Variants in GRM5 observed in about 807,000 individuals in gnomAD.
GRM5 encodes metabotropic glutamate receptor 5.
In GRM5, 19 loss-of-function variants were observed where a neutral mutation model predicts 83.1. The ratio of observed to expected loss-of-function variants is 0.23; its 90% CI spans 0.16 to 0.34. The LOEUF (loss-of-function observed/expected upper bound fraction) is 0.34. Among genes scored for constraint, GRM5 ranks in the 10% least tolerant of loss-of-function variants. The pLI, the probability that GRM5 is intolerant of heterozygous loss-of-function variation, is 1.00. For synonymous variants in GRM5, 675 were observed against 633.6 expected (o/e 1.07, Z -0.98); for missense variants, 1,160 against 1,588.3 (o/e 0.73, Z 4.58).
chr11:88,660,731 TG>T (rs1293815206), intron 3 of GRM5, among the ~76,000 whole-genome samples: 1 of 152,220 alleles, frequency 6.6e-6, no homozygotes, highest in Non-Finnish European at 1.5e-5. Context: ...CACATCCTGT[TG>T]ATCGGAGACA....
chr11:88,578,834 A>T (rs1943167909), intron 7 of GRM5, among the ~76,000 whole-genome samples: 1 of 152,088 alleles, frequency 6.6e-6, no homozygotes, highest in Admixed American at 6.6e-5. Context: ...AACTGAAACA[A>T]CTTTATCAAG....
intron 4 of GRM5, among the ~76,000 whole-genome samples, chr11:88,628,721 C>G (rs1565160950): frequency 6.6e-6 from 1 of 152,192 alleles, no homozygotes; most frequent in African/African-American, 2.4e-5. Context: ...GGGTAATTAA[C>G]AGTAGCTGCT....
intron 3 of GRM5, among the ~76,000 whole-genome samples, chr11:88,744,563 C>T (rs895679288): frequency 1.9e-4 from 29 of 152,138 alleles, no homozygotes; most frequent in African/African-American, 6.8e-4. Context: ...CACACCCCAC[C>T]TTTCAATCCC....
At position 88,506,893 on chromosome 11, in the gene GRM5, T is replaced by A. The variant is rs943383841; in HGVS notation, c.*1699A>T. The A allele has an allele frequency of 6.6e-6, 1 of 152,150 alleles. No individual in the cohort carries two copies. The highest frequency in any genetic ancestry group is 6.5e-5 in the Admixed American group (1 of 15,280). The allele number at this position is 152,150 out of a possible 1,614,324, so 9.4% of individuals were successfully genotyped here. On this transcript the variant is annotated 3_prime_UTR_variant, in exon 10 of 10. Coordinates refer to ENST00000305447, the MANE Select transcript of GRM5 (RefSeq NM_001143831.3). ...TATTGAGCTAAAAGAAAAAGTTTTATTTATTATTCTCTCTGCCAAAATATA... is the reference window on the plus strand; with the variant it reads ...TATTGAGCTAAAAGAAAAAGTTTTAATTATTATTCTCTCTGCCAAAATATA...
At chr11:88,991,929 G>A (rs1295907902) in intron 2 of GRM5, among the ~76,000 whole-genome samples, 1 of 152,094 alleles carries the variant, frequency 6.6e-6, no homozygotes, top group Admixed American at 6.6e-5. Context: ...AACCCAGGCA[G>A]TACCATTCAG....
At chr11:88,517,294 G>C (rs1591316350) in intron 9 of GRM5, among the ~76,000 whole-genome samples, 1 of 152,120 alleles carries the variant, frequency 6.6e-6, no homozygotes, top group South Asian at 2.1e-4. Context: ...GTGCATAAAA[G>C]TAGAAAATAC....
chr11:88,712,600 CAGTCATCTT>C (rs1256056179), intron 3 of GRM5, among the ~76,000 whole-genome samples: 1 of 151,970 alleles, frequency 6.6e-6, no homozygotes, highest in African/African-American at 2.4e-5. Context: ...AGAGGCAACT[CAGTCATCTT>C]AGGGTTAAAA....
At chr11:89,048,672 A>G (rs1424147650) in intron 1 of GRM5, among the ~76,000 whole-genome samples, 1 of 152,256 alleles carries the variant, frequency 6.6e-6, no homozygotes, top group African/African-American at 2.4e-5. Flanking sequence ...TGTGGAAGAT[A>G]TAATAAAAAC....
intron 3 of GRM5, among the ~76,000 whole-genome samples, chr11:88,805,529 T>C (rs1473415791): frequency 1.6e-5 from 2 of 124,506 alleles, no homozygotes; most frequent in African/African-American, 4.0e-5. Flanking sequence ...ATTTTTAATA[T>C]GTTAAATGTT....
chr11:88,699,606 A>G (rs560938491), intron 3 of GRM5, among the ~76,000 whole-genome samples: 3 of 152,302 alleles, frequency 2.0e-5, no homozygotes, highest in African/African-American at 7.2e-5. Context: ...AATGAAGGGT[A>G]TATGTACAAG....
At chr11:88,635,745 A>C (rs1227435394) in intron 4 of GRM5, among the ~76,000 whole-genome samples, 1 of 151,866 alleles carries the variant, frequency 6.6e-6, no homozygotes, top group Non-Finnish European at 1.5e-5. Flanking sequence ...CATACCCCCC[A>C]AAAAATCATC....
rs1942058267 is a variant in GRM5, at chr11:88,533,291, G to C, written c.2631-7887C>G. ...ATCTTCTTGTTGCTTGAAGACACCA[G>C]ATATCCTCCCAGCATAGTGTCTTTG... On this transcript the variant is annotated intron_variant, in intron 8 of 9. Transcript: ENST00000305447. 2.0e-5 allele frequency among the ~76,000 whole-genome samples: 3 copies of C among 152,028 alleles called. No individual in the cohort carries two copies. In the South Asian group the frequency reaches 6.2e-4, roughly 31 times the overall value.
chr11:88,586,744 A>G (rs1943322439), intron 7 of GRM5, among the ~76,000 whole-genome samples: 1 of 152,150 alleles, frequency 6.6e-6, no homozygotes. Context: ...TTAAAGGTTA[A>G]ACTTCACATA....
intron 6 of GRM5, among the ~76,000 whole-genome samples, chr11:88,595,754 C>A (rs550055012): frequency 6.6e-6 from 1 of 152,118 alleles, no homozygotes; most frequent in Non-Finnish European, 1.5e-5. Context: ...TTTGACCTTT[C>A]TCTTCCACTG....
chr11:88,743,204 C>G (rs1268996570), intron 3 of GRM5, among the ~76,000 whole-genome samples: 1 of 151,994 alleles, frequency 6.6e-6, no homozygotes, highest in Non-Finnish European at 1.5e-5. Context: ...CATCTCACTT[C>G]TTCTGTAAGA....
At chr11:89,028,454 G>T (rs1369558520) in intron 2 of GRM5, among the ~76,000 whole-genome samples, 1 of 152,082 alleles carries the variant, frequency 6.6e-6, no homozygotes, top group Non-Finnish European at 1.5e-5. Context: ...CAGGAGTGGT[G>T]GTGTGCACCT....
intron 2 of GRM5, among the ~76,000 whole-genome samples, chr11:88,976,482 A>G (rs893321751): frequency 6.6e-6 from 1 of 151,998 alleles, no homozygotes; most frequent in African/African-American, 2.4e-5. Flanking sequence ...TAGATATAAT[A>G]TATCTAATAC....
intron 3 of GRM5, 92 bp downstream of exon 3, chr11:88,849,814 G>C (rs1944358526): frequency 3.3e-6 from 4 of 1,226,478 alleles, no homozygotes; most frequent in African/African-American, 3.0e-5. Flanking sequence ...ATTAAGCTTT[G>C]AAAGAATTTT....
At chr11:88,761,042 G>C (rs904979733) in intron 3 of GRM5, among the ~76,000 whole-genome samples, 1 of 152,020 alleles carries the variant, frequency 6.6e-6, no homozygotes, top group Non-Finnish European at 1.5e-5. Context: ...ACTAGTTATT[G>C]AAGGAACATA....
Sources: gnomAD v4.1 joint callset for allele counts (sites outside exome capture counted in the v4.1 genomes callset) on GRCh38, gnomAD v4.1.1 for gene constraint, MANE v1.5 for transcripts, NCBI Gene and HGNC (gene_info 2026-07-23, HGNC 2026-07-21) for gene names.